CACNA1A: variants seen among roughly 807,000 people sequenced by gnomAD.
CACNA1A encodes the protein calcium voltage-gated channel subunit alpha1 A.
Under a neutral mutation model 262.4 loss-of-function variants are expected in CACNA1A, and 57 were observed. That is an observed-to-expected ratio of 0.22 (90% CI 0.18 to 0.27). CACNA1A has a LOEUF of 0.27. CACNA1A is among the 10% of genes least tolerant of loss of function. CACNA1A has a pLI of 1.00. For synonymous variants in CACNA1A, 1,431 were observed against 1,419.3 expected, an observed-to-expected ratio of 1.01 and a Z score of -0.18; for missense variants, 2,526 against 3,562.8, an observed-to-expected ratio of 0.71 and a Z score of 7.41.
intron 30 of CACNA1A, among the ~76,000 whole-genome samples, chr19:13,251,402 G>A (rs2056392849): frequency 6.6e-6 from 1 of 152,078 alleles, no homozygotes; most frequent in Admixed American, 6.6e-5. Flanking sequence ...AGAATGGCGT[G>A]AACCCAGGGG....
intron 24 of CACNA1A, chr19:13,272,706 GA>G (rs2144818657): frequency 6.6e-6 from 1 of 151,128 alleles, no homozygotes; most frequent in African/African-American, 2.4e-5. Context: ...AAGAGAGAGG[GA>G]AGAGAGGGGA....
In CACNA1A at chr19:13,332,915, G is replaced by T; in HGVS notation, c.1209C>A (p.Ile403=). The T allele has an allele frequency of 6.2e-7, 1 of 1,612,178 alleles. No homozygotes were observed. Among genetic ancestry groups the T allele is most frequent in the Non-Finnish European group, 8.5e-7 (1 of 1,178,696 alleles). Residue 403 remains isoleucine (I), a synonymous_variant, in exon 9 of 47, where the codon ATC becomes ATA. Coordinates refer to ENST00000360228, the MANE Select transcript of CACNA1A (RefSeq NM_001127222.2). Reference sequence around the variant, plus strand: ...CCCCGTCAGTTTCATCCTCGGCGAGGATCACCTCTTCTGAAGAGGAAGAGC... The same window carrying T: ...CCCCGTCAGTTTCATCCTCGGCGAGTATCACCTCTTCTGAAGAGGAAGAGC... ...MEWISKAEEV[I]LAEDETDGEQ...
At chr19:13,374,398 A>G (rs570199302) in intron 3 of CACNA1A, among the ~76,000 whole-genome samples, 1 of 151,940 alleles carries the variant, frequency 6.6e-6, no homozygotes. Context: ...CAGGTGTACA[A>G]CAACATATTC....
intron 24 of CACNA1A, among the ~76,000 whole-genome samples, chr19:13,269,691 G>C (rs2056966101): frequency 6.6e-6 from 1 of 152,220 alleles, no homozygotes; most frequent in Admixed American, 6.5e-5. Context: ...CATGGGCACA[G>C]AGCGTGATAC....
chr19:13,245,352 A>C (rs1472625337), intron 30 of CACNA1A, 87 bp from the exon 31 acceptor site: 1 of 1,001,938 alleles, frequency 1.0e-6, no homozygotes, highest in East Asian at 2.4e-5. Context: ...TTAGAGGCAC[A>C]GTTGCCCATC....
In CACNA1A at chr19:13,243,179, A is replaced by T. The variant is rs186160720; in HGVS notation, c.4950+2003T>A. Among the ~76,000 whole-genome samples the T allele has an allele frequency of 1.1e-4, 16 of 152,336 alleles. No homozygotes were observed. In the East Asian group the frequency reaches 3.1e-3, roughly 29 times the overall value. On this transcript the variant is annotated intron_variant, in intron 31 of 46. Transcript: ENST00000360228. ...CCAGCCCTCTCTAGAAACTCAGGAC[A>T]GGGGAGAATGACCAGGTGGGGGCAC...
Position 13,253,021 on chromosome 19 carries a change from A to G in CACNA1A, c.4836T>C (p.Cys1612=), listed in dbSNP as rs781413708. The G allele has an allele frequency of 6.2e-7, 1 of 1,613,508 alleles. No individual in the cohort carries two copies. The highest frequency in any genetic ancestry group is 1.7e-5 in the Admixed American group (1 of 60,018). ...IVFTSLFSLE[C]VLKVMAFGIL... ...TCCCAAAAGCCATGACTTTCAGCACACATTCCAGAGAGAAGAGGGAGGTGA... is the reference window on the plus strand; with the variant it reads ...TCCCAAAAGCCATGACTTTCAGCACGCATTCCAGAGAGAAGAGGGAGGTGA... The change falls in exon 30 of 47, where the codon TGT becomes TGC. Residue 1612 remains cysteine, a synonymous_variant. Transcript: ENST00000360228.
rs979967740 is a variant in CACNA1A at position 13,322,966 on chromosome 19, G to C, written c.1346-5645C>G. 3.3e-5 allele frequency among the ~76,000 whole-genome samples: 5 copies of C among 152,142 alleles called. No individual in the cohort carries two copies. In the South Asian group the frequency reaches 1.0e-3, roughly 32 times the overall value. ...GTTAGAACTTCAACAAACCTCATTTGTCTTTTTGATAATAGCTACTCTAGG... is the reference window on the plus strand; with the variant it reads ...GTTAGAACTTCAACAAACCTCATTTCTCTTTTTGATAATAGCTACTCTAGG... On this transcript the variant is annotated intron_variant, in intron 10 of 46. Coordinates refer to ENST00000360228, the MANE Select transcript of CACNA1A (RefSeq NM_001127222.2).
rs996753822 is a variant in CACNA1A at position 13,241,363 on chromosome 19, G to A, written c.4950+3819C>T. On this transcript the variant is annotated intron_variant, in intron 31 of 46. Transcript: ENST00000360228. The surrounding 1 kb of genome is among the most constrained non-coding windows in gnomAD (Gnocchi z 4.0). ...CAGGAAGTGGGAGGCACAGGGGCTG[G>A]GGGCGGGAGGACAGACAGACAGAGG... is the stretch of plus-strand genomic sequence containing the variant. Among the ~76,000 whole-genome samples the A allele has an allele frequency of 1.2e-4, 18 of 152,174 alleles. No individual in the cohort carries two copies. The highest frequency in any genetic ancestry group is 4.1e-4 in the African/African-American group (17 of 41,448).
In CACNA1A at chr19:13,206,943, T is replaced by A. The variant is rs2054587011; in HGVS notation, c.*370A>T. On this transcript the variant is annotated 3_prime_UTR_variant, in exon 47 of 47. Transcript: ENST00000360228. ...TTCTCCCCGTTTTTTCTTTTAAAAA[T>A]GTTTTTTTTTTTTTTTTTTTTTTTT... 1.4e-5 allele frequency: 1 copy of A among 69,816 alleles called. No individual in the cohort carries two copies. The highest frequency in any genetic ancestry group is 6.8e-5 in the African/African-American group (1 of 14,780). The allele number at this position is 69,816 out of a possible 1,614,324, so 4.3% of individuals were successfully genotyped here. A position where few individuals can be genotyped will look rare whatever the true frequency, so the allele number is the denominator to read the frequency against.
At chr19:13,320,932 C>T (rs1000844640) in intron 10 of CACNA1A, among the ~76,000 whole-genome samples, 4 of 151,488 alleles carry the variant, frequency 2.6e-5, no homozygotes, top group African/African-American at 9.7e-5. Flanking sequence ...CCCAGCCGGA[C>T]GTGTTATTAT....
intron 3 of CACNA1A, among the ~76,000 whole-genome samples, chr19:13,421,838 G>A (rs185391236): frequency 2.1e-4 from 32 of 152,276 alleles, no homozygotes; most frequent in Admixed American, 1.8e-3. Context: ...GATTAAAACA[G>A]GTGCTCTCTG....
At chr19:13,307,681 T>G in intron 15 of CACNA1A, 101 bp downstream of exon 15, 3 of 905,858 alleles carry the variant, frequency 3.3e-6, no homozygotes, top group Non-Finnish European at 5.4e-6. Context: ...AAAGGCCAGG[T>G]AGAGAAGGAG....
At chr19:13,418,957 G>C (rs975699347) in intron 3 of CACNA1A, among the ~76,000 whole-genome samples, 16 of 152,060 alleles carry the variant, frequency 1.1e-4, no homozygotes, top group Non-Finnish European at 2.1e-4. Flanking sequence ...GCAGTGGCAT[G>C]ATCTCAGCTC....
chr19:13,279,903 G>A (rs1186523610), intron 22 of CACNA1A, among the ~76,000 whole-genome samples: 1 of 151,892 alleles, frequency 6.6e-6, no homozygotes, highest in African/African-American at 2.4e-5. Flanking sequence ...CCACCTCCTG[G>A]GTTCAAGTGA....
chr19:13,311,124 C>G (rs144729634), intron 12 of CACNA1A, among the ~76,000 whole-genome samples: 19 of 152,268 alleles, frequency 1.2e-4, no homozygotes, highest in Non-Finnish European at 1.9e-4. Context: ...GGGTCTCACT[C>G]TCTTGTCCAG....
chr19:13,416,238 C>T (rs1423009152), intron 3 of CACNA1A, among the ~76,000 whole-genome samples: 1 of 151,978 alleles, frequency 6.6e-6, no homozygotes, highest in African/African-American at 2.4e-5. Flanking sequence ...GTAGCTGGGA[C>T]CACAGGCCTG....
chr19:13,437,347 G>C (rs753981127), intron 3 of CACNA1A, among the ~76,000 whole-genome samples: 2 of 152,120 alleles, frequency 1.3e-5, no homozygotes, highest in Non-Finnish European at 2.9e-5. Flanking sequence ...CGCCGGCCTC[G>C]GTTTCCATAA....
intron 19 of CACNA1A, among the ~76,000 whole-genome samples, chr19:13,297,944 C>T (rs936411940): frequency 1.3e-5 from 2 of 152,044 alleles, no homozygotes; most frequent in African/African-American, 2.4e-5. Flanking sequence ...GATTCTCCCG[C>T]CTCAGCCTCC....
Sources: gnomAD v4.1 joint callset for allele counts (sites outside exome capture counted in the v4.1 genomes callset) on GRCh38, gnomAD v4.1.1 for gene constraint, Gnocchi (gnomAD v3.1) non-coding constraint, MANE v1.5 for transcripts, NCBI Gene and HGNC (gene_info 2026-07-23, HGNC 2026-07-21) for gene names.